NUB1: variants seen among roughly 807,000 people sequenced by gnomAD.
NUB1 encodes the protein negative regulator of ubiquitin like proteins 1, also known as NEDD8 ultimate buster 1.
In NUB1, 41 loss-of-function variants were observed where a neutral mutation model predicts 77.1. That is an observed-to-expected ratio of 0.53 (90% CI 0.41 to 0.69). The LOEUF is 0.69. Among genes scored for constraint, NUB1 ranks in the 30% least tolerant of loss-of-function variants. NUB1 has a pLI of 0.00. For missense variants in NUB1, 643 were observed against 743.8 expected (o/e 0.86, Z 1.58); for synonymous variants, 257 against 281.0 (o/e 0.91, Z 0.85).
At chr7:151,367,730 A>C in intron 9 of NUB1, 131 bp from the exon 10 acceptor site, 3 of 612,202 alleles carry the variant, frequency 4.9e-6, no homozygotes, top group Non-Finnish European at 8.6e-6. Context: ...CGTCAGTCAT[A>C]GTGAAGCCAT....
chr7:151,360,091 G>T, intron 7 of NUB1, 50 bp from the exon 8 acceptor site: 11 of 780,302 alleles, frequency 1.4e-5, no homozygotes, highest in South Asian at 7.4e-5. Context: ...AATATAATTT[G>T]CCTTATTATA....
At position 151,373,643 on chromosome 7, in the gene NUB1, C is replaced by T. The variant is rs1383804470; in HGVS notation, c.1249-454C>T. Among the ~76,000 whole-genome samples the T allele has an allele frequency of 2.0e-5, 3 of 152,222 alleles. No individual in the cohort carries two copies. The South Asian group carries it at 6.2e-4, about 31-fold the overall frequency. On this transcript the variant is annotated intron_variant, in intron 11 of 14. Coordinates refer to ENST00000568733, the MANE Select transcript of NUB1 (RefSeq NM_001243351.2). The stretch of plus-strand genomic sequence containing the variant: ...CATTGCCCAGGAGCCCCTGATTCCA[C>T]ATCACATTTTAACTTGAATCCCTGG...
chr7:151,348,810 A>C (rs1477842327), intron 2 of NUB1, among the ~76,000 whole-genome samples: 1 of 151,646 alleles, frequency 6.6e-6, no homozygotes, highest in Non-Finnish European at 1.5e-5. Flanking sequence ...CATCACCTCA[A>C]GTGATGCGCC....
chr7:151,376,102 A>G (rs1798220628), intron 13 of NUB1, 159 bp downstream of exon 13: 1 of 612,810 alleles, frequency 1.6e-6, no homozygotes, highest in Non-Finnish European at 2.9e-6. Context: ...CCACCCACGC[A>G]GTAACAGAGG....
At chr7:151,366,621 A>C (rs1467805486) in intron 8 of NUB1, among the ~76,000 whole-genome samples, 3 of 152,092 alleles carry the variant, frequency 2.0e-5, no homozygotes, top group Non-Finnish European at 2.9e-5. Context: ...TCTTCCCCGT[A>C]TTTGCTGAGG....
rs376189202 is a variant in NUB1, at chr7:151,349,153, G to A, written c.198G>A (p.Lys66=). 3.7e-6 allele frequency: 6 copies of A among 1,613,718 alleles called. No individual in the cohort carries two copies. The African/African-American group carries it at 6.7e-5, about 18-fold the overall frequency. The change falls in exon 3 of 15, where the codon AAG becomes AAA. Residue 66 remains lysine (K), a synonymous_variant. Transcript: ENST00000568733. ...AGGTAATAGAAGAAATACGTTGCAA[G>A]GCAATTGAGCGTGGAACAGGAAATG... The part of the protein sequence containing the change: ...VEKVIEEIRC[K]AIERGTGNDN...
Position 151,344,927 on chromosome 7 carries a change from G to A in NUB1, c.-2-421G>A, listed in dbSNP as rs1796422159. ...ATGCAGGGGAATTGCTTGAACCCAG[G>A]GGGCGGAGCTTGCAGTGAGCCGAGA... On this transcript the variant is annotated intron_variant, in intron 1 of 14. Coordinates refer to ENST00000568733, the MANE Select transcript of NUB1 (RefSeq NM_001243351.2). 1.3e-5 allele frequency among the ~76,000 whole-genome samples: 2 copies of A among 152,068 alleles called. 1 individual carries two copies. The highest frequency in any genetic ancestry group is 4.1e-4 in the South Asian group (2 of 4,826).
At chr7:151,356,305 G>A in intron 7 of NUB1, 83 bp downstream of exon 7, 1 of 982,044 alleles carries the variant, frequency 1.0e-6, no homozygotes, top group Admixed American at 2.0e-5. Flanking sequence ...TATGTTGGAA[G>A]TGTTGTAAAG....
chr7:151,375,667 C>T (rs1354534478), intron 12 of NUB1, among the ~76,000 whole-genome samples, 181 bp from the exon 13 acceptor site: 1 of 152,246 alleles, frequency 6.6e-6, no homozygotes, highest in Non-Finnish European at 1.5e-5. Context: ...CTTCAAACCC[C>T]AGCTGTCCTG....
intron 11 of NUB1, among the ~76,000 whole-genome samples, chr7:151,369,628 A>T (rs1797867934): frequency 6.6e-6 from 1 of 152,246 alleles, no homozygotes; most frequent in Non-Finnish European, 1.5e-5. Context: ...AAGCATCCTT[A>T]TTCTATCCAA....
chr7:151,358,937 C>A (rs1327800441), intron 7 of NUB1, among the ~76,000 whole-genome samples: 1 of 149,578 alleles, frequency 6.7e-6, no homozygotes, highest in African/African-American at 2.5e-5. Context: ...TGGTGGTGGG[C>A]GCCTGTAGTC....
Position 151,367,852 on chromosome 7 carries a change from TA to T in NUB1, c.988-7del. ...GCAATTTTATCCTTTTTTTCTTCAATAATTTTAGGGAAATTGTGGGAAAGAG... is the reference window on the plus strand; with the variant it reads ...GCAATTTTATCCTTTTTTTCTTCAATATTTTAGGGAAATTGTGGGAAAGAG... On this transcript the variant is annotated splice_polypyrimidine_tract_variant and splice_region_variant and intron_variant, in intron 9 of 14. Transcript: ENST00000568733. 2 of 1,541,700 alleles carry T rather than the reference TA, an allele frequency of 1.3e-6. No homozygotes were observed. Among genetic ancestry groups the T allele is most frequent in the South Asian group, 2.4e-5 (2 of 83,122 alleles).
At chr7:151,347,748 C>T (rs374234954) in intron 2 of NUB1, among the ~76,000 whole-genome samples, 2 of 152,216 alleles carry the variant, frequency 1.3e-5, no homozygotes, top group South Asian at 2.1e-4. Flanking sequence ...CATGAGCCAT[C>T]GCGCCCAATC....
chr7:151,376,553 C>T (rs891589375), intron 13 of NUB1, 81 bp from the exon 14 acceptor site: 69 of 1,328,122 alleles, frequency 5.2e-5, no homozygotes, highest in Admixed American at 1.4e-4. Context: ...ACATGAGAGT[C>T]GGCTGTCCAC....
chr7:151,364,578 GCAATGGCACGATCTCGGCTC>G (rs1797560645), intron 8 of NUB1, among the ~76,000 whole-genome samples: 1 of 152,130 alleles, frequency 6.6e-6, no homozygotes, highest in Non-Finnish European at 1.5e-5. Flanking sequence ...ACGCTGGAGT[GCAATGGCACGATCTCGGCTC>G]ACTGCAACCT....
In NUB1 at chr7:151,366,834, T is replaced by C. The variant is rs931393438; in HGVS notation, c.801-105T>C. On this transcript the variant is annotated intron_variant, in intron 8 of 14. Transcript: ENST00000568733. ...TTAGAGCAGTCAGCCTTTGAATATA[T>C]ACCAAGAACGGGGAAAGAATTCCAG... 5 of 873,240 alleles carry C rather than the reference T, an allele frequency of 5.7e-6. No homozygotes were observed. The African/African-American group carries it at 6.8e-5, about 12-fold the overall frequency. 54.1% of individuals were successfully genotyped at this position (873,240 alleles called of 1,614,324 possible).
intron 1 of NUB1, among the ~76,000 whole-genome samples, chr7:151,343,195 G>A (rs768566097): frequency 1.2e-4 from 18 of 152,200 alleles, no homozygotes; most frequent in Non-Finnish European, 1.8e-4. Flanking sequence ...GTGATAAGCC[G>A]TTTGTCAGTG....
chr7:151,374,921 G>A (rs575026894), intron 12 of NUB1, among the ~76,000 whole-genome samples: 1 of 152,186 alleles, frequency 6.6e-6, no homozygotes, highest in Non-Finnish European at 1.5e-5. Flanking sequence ...GCAGGGGGCT[G>A]GCTGTGTGGA....
At position 151,345,455 on chromosome 7, in the gene NUB1, T is replaced by C. The variant is rs2150660302; in HGVS notation, c.106T>C (p.Leu36=). ...TACAGATGAAAATAAAAAAGTTGGT[T>C]TGGCATTAAAGGTATTTTTCTTTTA... The part of the protein sequence containing the change: ...PYTDENKKVG[L]ALKDLAKQYS... Residue 36 remains leucine (L), a synonymous_variant, in exon 2 of 15, where the codon TTG becomes CTG. Transcript: ENST00000568733. 6.3e-7 allele frequency: 1 copy of C among 1,579,660 alleles called. No homozygotes were observed. Among genetic ancestry groups the C allele is most frequent in the East Asian group, 2.2e-5 (1 of 44,484 alleles).
Sources: allele counts gnomAD v4.1 joint callset (sites outside exome capture counted in the v4.1 genomes callset), GRCh38; gene constraint gnomAD v4.1.1; transcripts MANE v1.5; gene names NCBI Gene and HGNC (gene_info 2026-07-23, HGNC 2026-07-21).